PLCB4: variants seen among roughly 807,000 people sequenced by gnomAD.
The protein encoded by PLCB4 is 1-phosphatidylinositol 4,5-bisphosphate phosphodiesterase beta-4.
A neutral mutation model predicts 178.8 loss-of-function variants in PLCB4; 77 were observed. The ratio of observed to expected loss-of-function variants is 0.43; its 90% confidence interval spans 0.36 to 0.52. PLCB4 has a LOEUF of 0.52. Among genes scored for constraint, PLCB4 ranks in the 20% least tolerant of loss-of-function variants. PLCB4 has a pLI of 0.00. For missense variants in PLCB4, 1,024 were observed against 1,453.4 expected (o/e 0.70, Z 4.80); for synonymous variants, 496 against 490.8 (o/e 1.01, Z -0.14).
intron 3 of PLCB4, among the ~76,000 whole-genome samples, chr20:9,258,714 CAAAAAAAAAAAA>C (rs969525907): frequency 6.4e-5 from 4 of 62,780 alleles, no homozygotes; most frequent in Non-Finnish European, 1.0e-4. Flanking sequence ...GACTTCCTCT[CAAAAAAAAAAAA>C]AAAAAAAAAA....
intron 3 of PLCB4, among the ~76,000 whole-genome samples, chr20:9,280,195 A>G (rs892262589): frequency 6.6e-6 from 1 of 152,022 alleles, no homozygotes; most frequent in Non-Finnish European, 1.5e-5. Context: ...AGAGATTAAT[A>G]AGGTGCTTAG....
chr20:9,072,244 TC>T (rs2089611459), intron 1 of PLCB4, among the ~76,000 whole-genome samples: 1 of 152,192 alleles, frequency 6.6e-6, no homozygotes, highest in Non-Finnish European at 1.5e-5. Flanking sequence ...CTCAGTGCTG[TC>T]CATTCCACAT....
At chr20:9,384,680 T>A (rs1403752266) in intron 14 of PLCB4, among the ~76,000 whole-genome samples, 2 of 152,206 alleles carry the variant, frequency 1.3e-5, no homozygotes, top group South Asian at 4.2e-4. Context: ...AAAGAAAACA[T>A]GCATATTGTA....
chr20:9,152,371 T>C (rs1600740962), intron 2 of PLCB4, among the ~76,000 whole-genome samples: 1 of 152,144 alleles, frequency 6.6e-6, no homozygotes, highest in East Asian at 1.9e-4. Context: ...AATGATTTCA[T>C]GGGCCGGGCC....
At chr20:9,279,995 A>T (rs1399481639) in intron 3 of PLCB4, among the ~76,000 whole-genome samples, 1 of 152,016 alleles carries the variant, frequency 6.6e-6, no homozygotes, top group Non-Finnish European at 1.5e-5. Context: ...AGGGTGTTTC[A>T]TGTTTTCCAT....
intron 2 of PLCB4, among the ~76,000 whole-genome samples, chr20:9,111,813 A>G (rs2091582602): frequency 6.6e-6 from 1 of 152,208 alleles, no homozygotes; most frequent in Non-Finnish European, 1.5e-5. Flanking sequence ...ACTCTCATAA[A>G]ACATAGGGAT....
At chr20:9,324,348 C>T (rs2030031651) in intron 4 of PLCB4, among the ~76,000 whole-genome samples, 1 of 152,010 alleles carries the variant, frequency 6.6e-6, no homozygotes, top group African/African-American at 2.4e-5. Context: ...ATCGCTTGAA[C>T]TCGGGAGGCA....
chr20:9,328,775 C>T (rs1351588569), intron 4 of PLCB4, among the ~76,000 whole-genome samples: 1 of 152,150 alleles, frequency 6.6e-6, no homozygotes, highest in Non-Finnish European at 1.5e-5. Flanking sequence ...GGGTAATACC[C>T]GAGGTTCGTT....
chr20:9,154,894 T>A (rs2092756997), intron 2 of PLCB4, among the ~76,000 whole-genome samples: 1 of 101,424 alleles, frequency 9.9e-6, no homozygotes, highest in Non-Finnish European at 2.0e-5. Flanking sequence ...CTTCCCTCCT[T>A]CCCTCCTTCC....
chr20:9,471,924 A>G (rs1198268911), intron 36 of PLCB4, among the ~76,000 whole-genome samples: 1 of 152,204 alleles, frequency 6.6e-6, no homozygotes, highest in African/African-American at 2.4e-5. Context: ...ACCATACTTC[A>G]TCCACTCATC....
chr20:9,239,490 C>A (rs1016933202), intron 3 of PLCB4, among the ~76,000 whole-genome samples: 1 of 152,140 alleles, frequency 6.6e-6, no homozygotes, highest in Non-Finnish European at 1.5e-5. Flanking sequence ...TTTAACCAAA[C>A]CTTTCTGTGA....
chr20:9,244,699 T>A (rs181099457), intron 3 of PLCB4, among the ~76,000 whole-genome samples: 122 of 152,332 alleles, frequency 8.0e-4, no homozygotes, highest in Non-Finnish European at 1.2e-3. Context: ...TTTTTTGTTG[T>A]TTTGCTGAAA....
intron 2 of PLCB4, among the ~76,000 whole-genome samples, chr20:9,204,071 G>C (rs1337646275): frequency 6.6e-6 from 1 of 151,686 alleles, no homozygotes. Context: ...AAACCCATAA[G>C]GCTTTCTTAT....
At chr20:9,381,443 G>A (rs2037134784) in intron 13 of PLCB4, among the ~76,000 whole-genome samples, 2 of 152,156 alleles carry the variant, frequency 1.3e-5, no homozygotes, top group Non-Finnish European at 2.9e-5. Context: ...CAGATGCTAG[G>A]AATTCAAAAC....
chr20:9,202,152 C>T (rs1042815512), intron 2 of PLCB4, among the ~76,000 whole-genome samples: 2 of 152,152 alleles, frequency 1.3e-5, no homozygotes, highest in Non-Finnish European at 2.9e-5. Context: ...AGGCTACATA[C>T]TATATGATTC....
At chr20:9,150,214 C>T (rs2092668786) in intron 2 of PLCB4, among the ~76,000 whole-genome samples, 1 of 152,126 alleles carries the variant, frequency 6.6e-6, no homozygotes, top group South Asian at 2.1e-4. Flanking sequence ...AGGTGCGTAC[C>T]ACTTGGTGAA....
At chr20:9,245,881 C>A (rs949999634) in intron 3 of PLCB4, among the ~76,000 whole-genome samples, 1 of 152,104 alleles carries the variant, frequency 6.6e-6, no homozygotes, top group South Asian at 2.1e-4. Context: ...ATCCATCCGC[C>A]TCAGCCTCCC....
chr20:9,279,716 A>C (rs2094477953), intron 3 of PLCB4, among the ~76,000 whole-genome samples: 1 of 152,082 alleles, frequency 6.6e-6, no homozygotes, highest in Non-Finnish European at 1.5e-5. Context: ...TAAAAGTTGA[A>C]AAAGGAAAAA....
At chr20:9,277,502 A>G (rs950490557) in intron 3 of PLCB4, among the ~76,000 whole-genome samples, 4 of 152,056 alleles carry the variant, frequency 2.6e-5, no homozygotes, top group Non-Finnish European at 5.9e-5. Flanking sequence ...GCACAGTATC[A>G]AGCCATCTGA....
Sources: gnomAD v4.1 joint callset for allele counts (sites outside exome capture counted in the v4.1 genomes callset) on GRCh38, gnomAD v4.1.1 for gene constraint, MANE v1.5 for transcripts, NCBI Gene and HGNC (gene_info 2026-07-23, HGNC 2026-07-21) for gene names.